Variants in CPQ observed in about 807,000 individuals in gnomAD.
CPQ encodes the protein carboxypeptidase Q, also known as Ser-Met dipeptidase.
Under a neutral mutation model 45.7 loss-of-function variants are expected in CPQ, and 37 were observed. The observed-to-expected ratio is 0.81, with a 90% CI of 0.62 to 1.07. The LOEUF (loss-of-function observed/expected upper bound fraction) is 1.07. CPQ is among the 50% of genes least tolerant of loss of function. The probability of loss-of-function intolerance (pLI) is 0.00; values close to 1 mark genes in which losing one functional copy is unlikely to be tolerated. For missense variants in CPQ, 537 were observed against 572.9 expected (o/e 0.94, Z 0.64); for synonymous variants, 186 against 205.8 (o/e 0.90, Z 0.82).
chr8:96,684,330 C>T (rs1050493522), intron 1 of CPQ, among the ~76,000 whole-genome samples: 2 of 152,216 alleles, frequency 1.3e-5, no homozygotes, highest in Non-Finnish European at 2.9e-5. Context: ...CTGAGTTCCT[C>T]AGTGGCTTAG....
At chr8:96,654,463 TC>T (rs1455685435) in intron 1 of CPQ, among the ~76,000 whole-genome samples, 1 of 152,140 alleles carries the variant, frequency 6.6e-6, no homozygotes, top group Non-Finnish European at 1.5e-5. Flanking sequence ...GTTCTCTCTA[TC>T]GGGGTTCTCT....
At chr8:96,932,854 T>C (rs1812992353) in intron 4 of CPQ, among the ~76,000 whole-genome samples, 1 of 152,196 alleles carries the variant, frequency 6.6e-6, no homozygotes, top group East Asian at 1.9e-4. Context: ...TAGATATTTG[T>C]TGGACAAATG....
Position 96,897,597 on chromosome 8 carries a change from G to A in CPQ, c.849+17592G>A, listed in dbSNP as rs72664517. 6.5e-3 allele frequency among the ~76,000 whole-genome samples: 996 copies of A among 152,258 alleles called. 6 individuals are homozygous for A. Among genetic ancestry groups the A allele is most frequent in the Non-Finnish European group, 0.011 (758 of 68,022 alleles). On this transcript the variant is annotated intron_variant, in intron 4 of 7. Transcript: ENST00000220763. ...TCATGTACAAAATAATTAAAAATTT[G>A]TATGAAATTATCTTCAGACTATGTG... is the stretch of plus-strand genomic sequence containing the variant.
In CPQ at chr8:97,003,495, A is replaced by G. The variant is rs1332988260; in HGVS notation, c.962-25908A>G. ...CCCTATATATTTCTCTTGAAGCCTG[A>G]AAGTCTTGACTTATTCTTCAGCTGT... On this transcript the variant is annotated intron_variant, in intron 5 of 7. Coordinates refer to ENST00000220763, the MANE Select transcript of CPQ (RefSeq NM_016134.4). 2.0e-5 allele frequency among the ~76,000 whole-genome samples: 3 copies of G among 152,090 alleles called. No homozygotes were observed. In the East Asian group the frequency reaches 5.8e-4, roughly 29 times the overall value.
At chr8:97,084,737 G>T (rs1324561460) in intron 7 of CPQ, among the ~76,000 whole-genome samples, 1 of 152,040 alleles carries the variant, frequency 6.6e-6, no homozygotes, top group Admixed American at 6.6e-5. Context: ...AATTTTGCCT[G>T]AGAATGTGTT....
At chr8:96,911,416 G>A (rs1049227313) in intron 4 of CPQ, among the ~76,000 whole-genome samples, 4 of 152,214 alleles carry the variant, frequency 2.6e-5, no homozygotes, top group Non-Finnish European at 4.4e-5. Context: ...TGTGAAAAGA[G>A]TCTTTGGGCC....
At chr8:97,076,680 C>T (rs1810851083) in intron 7 of CPQ, among the ~76,000 whole-genome samples, 1 of 152,138 alleles carries the variant, frequency 6.6e-6, no homozygotes, top group South Asian at 2.1e-4. Flanking sequence ...AATCTAGAGG[C>T]TTGCCCTAAG....
In CPQ at chr8:96,827,896, C is replaced by CA. The variant is rs201231095; in HGVS notation, c.434-7069dup. On this transcript the variant is annotated intron_variant, in intron 2 of 7. Transcript: ENST00000220763. ...TAATGTAATAAATACCCTGTTTTTT[C>CA]AAAAAAAAGTTACAGAGTAAGATGT... is the stretch of plus-strand genomic sequence containing the variant. 2.1e-3 allele frequency among the ~76,000 whole-genome samples: 310 copies of CA among 151,010 alleles called. 1 individual carries two copies. Among genetic ancestry groups the CA allele is most frequent in the Non-Finnish European group, 3.4e-3 (230 of 67,628 alleles).
intron 6 of CPQ, among the ~76,000 whole-genome samples, chr8:97,057,756 T>G (rs569272881): frequency 1.7e-4 from 26 of 152,302 alleles, no homozygotes; most frequent in Non-Finnish European, 2.9e-4. Context: ...AGTACAGTAT[T>G]TGGACATTTT....
At chr8:97,117,165 CA>C (rs757323454) in intron 7 of CPQ, among the ~76,000 whole-genome samples, 33 of 152,160 alleles carry the variant, frequency 2.2e-4, no homozygotes, top group Non-Finnish European at 4.3e-4. Context: ...TATTTTTAGA[CA>C]TTTTAATATA....
At chr8:96,821,546 G>A (rs1357552778) in intron 2 of CPQ, among the ~76,000 whole-genome samples, 4 of 151,788 alleles carry the variant, frequency 2.6e-5, no homozygotes, top group African/African-American at 9.7e-5. Flanking sequence ...TAAAACTGAT[G>A]TCTTATCCTT....
intron 2 of CPQ, among the ~76,000 whole-genome samples, chr8:96,793,314 C>T (rs984079220): frequency 6.6e-6 from 1 of 152,186 alleles, no homozygotes; most frequent in Non-Finnish European, 1.5e-5. Flanking sequence ...TACAGTTCCA[C>T]GTGGCTTGAG....
intron 3 of CPQ, among the ~76,000 whole-genome samples, chr8:96,838,682 C>T (rs1315109183): frequency 1.3e-5 from 2 of 151,894 alleles, no homozygotes; most frequent in African/African-American, 2.4e-5. Context: ...CTCTGGATTC[C>T]TATCATCTAG....
intron 4 of CPQ, among the ~76,000 whole-genome samples, chr8:96,895,014 C>T (rs553298358): frequency 2.0e-5 from 3 of 152,142 alleles, no homozygotes; most frequent in South Asian, 4.1e-4. Flanking sequence ...TCCACCATAC[C>T]TCACTCATTG....
At chr8:96,793,708 C>T (rs1810883734) in intron 2 of CPQ, among the ~76,000 whole-genome samples, 1 of 152,172 alleles carries the variant, frequency 6.6e-6, no homozygotes, top group South Asian at 2.1e-4. Context: ...CAAGGCAAGT[C>T]CTGTCCACTT....
intron 7 of CPQ, among the ~76,000 whole-genome samples, chr8:97,128,774 C>T (rs1811889771): frequency 6.6e-6 from 1 of 152,184 alleles, no homozygotes; most frequent in African/African-American, 2.4e-5. Context: ...GCCTGGAGAG[C>T]AATTGGGATG....
At chr8:96,786,617 G>A (rs550273932) in intron 2 of CPQ, among the ~76,000 whole-genome samples, 1 of 152,258 alleles carries the variant, frequency 6.6e-6, no homozygotes, top group South Asian at 2.1e-4. Context: ...GTTTTCTGAA[G>A]TGGCTGCACA....
chr8:96,714,438 C>A (rs1357417108), intron 1 of CPQ, among the ~76,000 whole-genome samples: 2 of 152,120 alleles, frequency 1.3e-5, no homozygotes, highest in Admixed American at 1.3e-4. Context: ...TTTAAACTTT[C>A]CTCTGCATTT....
intron 2 of CPQ, among the ~76,000 whole-genome samples, chr8:96,800,237 T>C (rs556756768): frequency 2.6e-5 from 4 of 152,140 alleles, no homozygotes; most frequent in Non-Finnish European, 5.9e-5. Flanking sequence ...GCCTAAAAGC[T>C]AGCAAGTATG....
Sources: gnomAD v4.1 joint callset for allele counts (sites outside exome capture counted in the v4.1 genomes callset) on GRCh38, gnomAD v4.1.1 for gene constraint, MANE v1.5 for transcripts, NCBI Gene and HGNC (gene_info 2026-07-23, HGNC 2026-07-21) for gene names.